The following OXR1 variants were observed in gnomAD, a reference collection of about 807,000 sequenced individuals.
OXR1 encodes the protein oxidation resistance protein 1.
Under a neutral mutation model 104.6 loss-of-function variants are expected in OXR1, and 41 were observed. The ratio of observed to expected loss-of-function variants is 0.39; its 90% CI spans 0.31 to 0.51. The LOEUF is 0.51. OXR1 is among the 20% of genes least tolerant of loss of function. The pLI, the probability that OXR1 is intolerant of heterozygous loss-of-function variation, is 0.77. For missense variants in OXR1, 955 were observed against 1,031.9 expected (o/e 0.93, Z 1.02); for synonymous variants, 348 against 348.4 (o/e 1.00, Z 0.01).
intron 2 of OXR1, among the ~76,000 whole-genome samples, chr8:106,440,276 C>A (rs1212799646): frequency 6.6e-6 from 1 of 152,040 alleles, no homozygotes; most frequent in Non-Finnish European, 1.5e-5. Context: ...GAAAAGAGTG[C>A]AATATTTTCT....
At chr8:106,399,559 C>G (rs763582987) in intron 2 of OXR1, among the ~76,000 whole-genome samples, 32 of 152,012 alleles carry the variant, frequency 2.1e-4, no homozygotes, top group Non-Finnish European at 4.3e-4. Flanking sequence ...TTTCACTATC[C>G]CCAAAGAACC....
At chr8:106,330,961 G>T (rs1814690665) in intron 1 of OXR1, among the ~76,000 whole-genome samples, 1 of 152,122 alleles carries the variant, frequency 6.6e-6, no homozygotes, top group Non-Finnish European at 1.5e-5. Context: ...CCCCAAAAAT[G>T]GTAGTTAAAA....
At chr8:106,480,549 A>G (rs1394028575) in intron 2 of OXR1, among the ~76,000 whole-genome samples, 1 of 151,962 alleles carries the variant, frequency 6.6e-6, no homozygotes, top group Non-Finnish European at 1.5e-5. Context: ...CACTTGAGTG[A>G]TAGCTTTGCT....
At chr8:106,479,307 T>G (rs779476131) in intron 2 of OXR1, among the ~76,000 whole-genome samples, 6 of 152,052 alleles carry the variant, frequency 3.9e-5, no homozygotes, top group Admixed American at 3.3e-4. Context: ...TTAATAATTA[T>G]GCATGCCATC....
intron 2 of OXR1, among the ~76,000 whole-genome samples, chr8:106,429,139 C>T (rs1268697306): frequency 6.6e-6 from 1 of 152,074 alleles, no homozygotes; most frequent in African/African-American, 2.4e-5. Context: ...GCCTCTTCCC[C>T]TCTCTATGTG....
chr8:106,549,177 T>C (rs1318771255), intron 3 of OXR1, among the ~76,000 whole-genome samples: 1 of 152,016 alleles, frequency 6.6e-6, no homozygotes, highest in Non-Finnish European at 1.5e-5. Context: ...AGGAAATTCT[T>C]ATGTCACAAA....
intron 3 of OXR1, among the ~76,000 whole-genome samples, chr8:106,549,839 C>T (rs555290870): frequency 6.6e-6 from 1 of 152,208 alleles, no homozygotes; most frequent in African/African-American, 2.4e-5. Context: ...CTTCATATAC[C>T]ATCACTTTTT....
chr8:106,713,622 A>C (rs941904783), intron 10 of OXR1, among the ~76,000 whole-genome samples: 1 of 151,980 alleles, frequency 6.6e-6, no homozygotes, highest in Non-Finnish European at 1.5e-5. Context: ...TGGTTTTCTA[A>C]AGAACAACCT....
chr8:106,719,327 C>A (rs988617496), intron 11 of OXR1, among the ~76,000 whole-genome samples: 1 of 152,084 alleles, frequency 6.6e-6, no homozygotes, highest in Non-Finnish European at 1.5e-5. Context: ...GATGATCGCA[C>A]TTTTGTTCAA....
intron 2 of OXR1, among the ~76,000 whole-genome samples, chr8:106,390,951 A>G (rs1033791298): frequency 7.2e-5 from 11 of 152,182 alleles, no homozygotes; most frequent in African/African-American, 2.7e-4. Flanking sequence ...CTGTGCCTGT[A>G]GGACTCAAGT....
At chr8:106,657,318 TAAAA>T (rs10709844) in intron 3 of OXR1, among the ~76,000 whole-genome samples, 1 of 146,832 alleles carries the variant, frequency 6.8e-6, no homozygotes, top group African/African-American at 2.5e-5. Flanking sequence ...TCCTTAAACA[TAAAA>T]AAAAAAAAAG....
At chr8:106,739,716 T>A in intron 13 of OXR1, 133 bp downstream of exon 13, 1 of 787,302 alleles carries the variant, frequency 1.3e-6, no homozygotes, top group Non-Finnish European at 2.0e-6. Flanking sequence ...AAAGAAAGAG[T>A]AAGCAAAACA....
At chr8:106,462,910 A>C (rs563303238) in intron 2 of OXR1, among the ~76,000 whole-genome samples, 1 of 152,250 alleles carries the variant, frequency 6.6e-6, no homozygotes, top group Non-Finnish European at 1.5e-5. Flanking sequence ...AGTAAGTGAA[A>C]CCACCTACAT....
At chr8:106,574,716 C>T (rs542104008) in intron 3 of OXR1, among the ~76,000 whole-genome samples, 1 of 152,262 alleles carries the variant, frequency 6.6e-6, no homozygotes, top group Non-Finnish European at 1.5e-5. Context: ...GCCAGGTTGT[C>T]CAAATAGAAA....
At chr8:106,270,182 C>G (rs1050894656), upstream of OXR1, 1 of 152,306 alleles carries the variant, frequency 6.6e-6, no homozygotes, top group African/African-American at 2.4e-5. Context: ...CTGAGCATGT[C>G]TGCAAGCGCT....
At chr8:106,316,725 T>TATCTATCTATC (rs1563713978) in intron 1 of OXR1, among the ~76,000 whole-genome samples, 2,876 of 64,612 alleles carry the variant, frequency 0.045, 40 homozygotes, top group Non-Finnish European at 0.05. Flanking sequence ...ATCATCTATC[T>TATCTATCTATC]ATCTATCTAT....
At chr8:106,270,999 C>A (rs1360630391) in intron 1 of OXR1, among the ~76,000 whole-genome samples, 1 of 151,958 alleles carries the variant, frequency 6.6e-6, no homozygotes, top group African/African-American at 2.4e-5. Context: ...GCTAGAGTAC[C>A]CGAGGCCACA....
chr8:106,750,781 A>G, intron 16 of OXR1, 25 bp from the exon 17 acceptor site: 1 of 1,530,560 alleles, frequency 6.5e-7, no homozygotes, highest in Non-Finnish European at 8.9e-7. Context: ...ATAAATATTA[A>G]CAGATTATTA....
chr8:106,475,560 T>C (rs1215125249), intron 2 of OXR1, among the ~76,000 whole-genome samples: 3 of 151,934 alleles, frequency 2.0e-5, no homozygotes, highest in Non-Finnish European at 4.4e-5. Flanking sequence ...CTGATGTTTT[T>C]TACTTTTTCA....
Sources: allele counts gnomAD v4.1 joint callset (sites outside exome capture counted in the v4.1 genomes callset), GRCh38; gene constraint gnomAD v4.1.1; transcripts MANE v1.5; gene names NCBI Gene and HGNC (gene_info 2026-07-23, HGNC 2026-07-21).